Variants in SRSF11 observed in about 807,000 individuals in gnomAD.
SRSF11 encodes the protein serine and arginine rich splicing factor 11.
In SRSF11, 9 loss-of-function variants were observed where a neutral mutation model predicts 56.0. The ratio of observed to expected loss-of-function variants is 0.16; its 90% CI spans 0.10 to 0.28. SRSF11 has a LOEUF of 0.28. SRSF11 is among the 10% of genes least tolerant of loss of function. The pLI is 1.00. For synonymous variants in SRSF11, 222 were observed against 215.3 expected, an observed-to-expected ratio of 1.03 and a Z score of -0.27; for missense variants, 421 against 600.7, an observed-to-expected ratio of 0.70 and a Z score of 3.13.
rs942835115 is a variant in SRSF11, at chr1:70,221,387, T to C, written c.-250T>C. On this transcript the variant is annotated 5_prime_UTR_variant, in exon 1 of 12. Transcript: ENST00000370949. ...TGGGAGCTCGGGCCCGCTAGTGTCG[T>C]GGTTGGAGGCGAGGTGGGGCGGCCG... 6 of 512,896 alleles carry C rather than the reference T, an allele frequency of 1.2e-5. No homozygotes were observed. The highest frequency in any genetic ancestry group is 1.7e-5 in the Non-Finnish European group (5 of 292,810). 31.8% of individuals were successfully genotyped at this position (512,896 alleles called of 1,614,324 possible).
chr1:70,226,029 A>G (rs187317496), intron 1 of SRSF11, among the ~76,000 whole-genome samples: 6 of 152,174 alleles, frequency 3.9e-5, no homozygotes, highest in Admixed American at 3.9e-4. Context: ...CATCTCTGCT[A>G]AAAATAGAAA....
chr1:70,243,384 A>G (rs1675999341), intron 7 of SRSF11, among the ~76,000 whole-genome samples: 1 of 129,786 alleles, frequency 7.7e-6, no homozygotes, highest in Non-Finnish European at 1.6e-5. Context: ...CACAGTGTGT[A>G]GGTGGAACCA....
At chr1:70,235,605 A>T (rs1673801330) in intron 5 of SRSF11, 55 bp downstream of exon 5, 1 of 1,547,358 alleles carries the variant, frequency 6.5e-7, no homozygotes. Flanking sequence ...TGTCTACAGA[A>T]TTAGAGTTTT....
chr1:70,230,158 A>G, intron 2 of SRSF11: 1 of 984,534 alleles, frequency 1.0e-6, no homozygotes, highest in Non-Finnish European at 1.2e-6. Context: ...CATATAAATG[A>G]CTTTCATAAA....
At chr1:70,221,877 G>C (rs1270093603) in intron 1 of SRSF11, 38 bp downstream of exon 1, 2 of 1,610,760 alleles carry the variant, frequency 1.2e-6, no homozygotes, top group African/African-American at 2.7e-5. Context: ...TGCTAACGCC[G>C]CCTCAGCCTG....
intron 2 of SRSF11, 76 bp from the exon 3 acceptor site, chr1:70,232,192 G>A: frequency 6.2e-7 from 1 of 1,608,932 alleles, no homozygotes; most frequent in Non-Finnish European, 8.5e-7. Flanking sequence ...GTATCAGGGA[G>A]ACATTTTCTG....
chr1:70,213,497 G>T (rs1338423667), intron 1 of SRSF11, among the ~76,000 whole-genome samples: 5 of 152,008 alleles, frequency 3.3e-5, no homozygotes, highest in African/African-American at 7.3e-5. Context: ...TTAAATTTTT[G>T]TGGATTTATT....
intron 1 of SRSF11, among the ~76,000 whole-genome samples, chr1:70,224,269 A>C (rs1040538377): frequency 4.6e-5 from 7 of 152,182 alleles, no homozygotes; most frequent in African/African-American, 1.4e-4. Flanking sequence ...GATTTCCCCC[A>C]AGAAGGCAGT....
intron 1 of SRSF11, 73 bp downstream of exon 1, chr1:70,221,912 G>A (rs1571641141): frequency 6.4e-7 from 1 of 1,568,464 alleles, no homozygotes; most frequent in African/African-American, 1.4e-5. Context: ...AATTTCCTTA[G>A]GCCCCTGTCG....
chr1:70,244,112 TGGATTAAA>T (rs1439012069), intron 7 of SRSF11, among the ~76,000 whole-genome samples: 8 of 152,164 alleles, frequency 5.3e-5, no homozygotes, highest in African/African-American at 1.9e-4. Flanking sequence ...TCCTAAATTG[TGGATTAAA>T]GGAGTGGAAT....
chr1:70,236,076 G>A (rs1673933644), intron 5 of SRSF11, among the ~76,000 whole-genome samples: 1 of 151,964 alleles, frequency 6.6e-6, no homozygotes, highest in African/African-American at 2.4e-5. Context: ...CCTTAACTTG[G>A]TGAAAGTCAC....
At chr1:70,236,792 ATTTTT>A (rs35602423) in intron 5 of SRSF11, among the ~76,000 whole-genome samples, 8 of 83,738 alleles carry the variant, frequency 9.6e-5, no homozygotes, top group Non-Finnish European at 1.7e-4. Flanking sequence ...TATGTCATAA[ATTTTT>A]TTTTTTTTTT....
In SRSF11 at chr1:70,221,470, G is replaced by A; in HGVS notation, c.-167G>A. The A allele has an allele frequency of 2.0e-6, 2 of 1,013,820 alleles. No individual in the cohort carries two copies. The highest frequency in any genetic ancestry group is 2.9e-6 in the Non-Finnish European group (2 of 695,894). The allele number at this position is 1,013,820 out of a possible 1,614,324, so 62.8% of individuals were successfully genotyped here. A position where few individuals can be genotyped will look rare whatever the true frequency, so the allele number is the denominator to read the frequency against. ...CTCATCCCCTCCCCCGCGGCGTGCG[G>A]CGGGGCGGAGAAACGGCGGCGGCGG... On this transcript the variant is annotated 5_prime_UTR_variant, in exon 1 of 12. Transcript: ENST00000370949.
At chr1:70,235,030 G>A (rs1458808064) in intron 4 of SRSF11, among the ~76,000 whole-genome samples, 4 of 152,186 alleles carry the variant, frequency 2.6e-5, no homozygotes, top group African/African-American at 9.7e-5. Flanking sequence ...TTATCAGTGT[G>A]TCATAGAGTC....
intron 1 of SRSF11, among the ~76,000 whole-genome samples, chr1:70,210,154 C>T (rs1669429154): frequency 6.6e-6 from 1 of 151,502 alleles, no homozygotes; most frequent in South Asian, 2.1e-4. Context: ...ATTTTCTGCT[C>T]CCGCCCCCCT....
chr1:70,224,252 A>G (rs866848790), intron 1 of SRSF11, among the ~76,000 whole-genome samples: 1 of 152,098 alleles, frequency 6.6e-6, no homozygotes, highest in Non-Finnish European at 1.5e-5. Context: ...CTGAGGGAAA[A>G]CTATATGATT....
chr1:70,243,336 CAAAAAAAAAAAAAAAAA>C (rs56098296), intron 7 of SRSF11, among the ~76,000 whole-genome samples: 3,643 of 32,548 alleles, frequency 0.11, 178 homozygotes, highest in African/African-American at 0.26. Context: ...TGGTTGGTGG[CAAAAAAAAAAAAAAAAA>C]AAAAAAAAAA....
chr1:70,225,317 T>G (rs1313408608), intron 1 of SRSF11, among the ~76,000 whole-genome samples: 4 of 152,356 alleles, frequency 2.6e-5, no homozygotes, highest in Non-Finnish European at 5.9e-5. Context: ...GGAAAGAGTT[T>G]AGTGCACCTT....
intron 3 of SRSF11, among the ~76,000 whole-genome samples, chr1:70,234,316 G>T (rs1031247371): frequency 2.6e-5 from 4 of 152,186 alleles, no homozygotes; most frequent in African/African-American, 9.7e-5. Flanking sequence ...AAGAATAGTA[G>T]ATTTGGATCC....
Sources: allele counts gnomAD v4.1 joint callset (sites outside exome capture counted in the v4.1 genomes callset), GRCh38; gene constraint gnomAD v4.1.1; transcripts MANE v1.5; gene names NCBI Gene and HGNC (gene_info 2026-07-23, HGNC 2026-07-21).